Variants in AP3B1 observed in about 807,000 individuals in gnomAD.
AP3B1 encodes the protein adaptor related protein complex 3 subunit beta 1.
In AP3B1, 61 loss-of-function variants were observed where a neutral mutation model predicts 132.5. The observed-to-expected ratio is 0.46, with a 90% confidence interval of 0.37 to 0.57. AP3B1 has a LOEUF of 0.57. Ranked by LOEUF, AP3B1 falls within the 20% of genes least tolerant of loss-of-function variation. The pLI, the probability that AP3B1 is intolerant of heterozygous loss-of-function variation, is 0.00. For synonymous variants in AP3B1, 388 were observed against 438.3 expected (o/e 0.89, Z 1.43); for missense variants, 1,120 against 1,289.4 (o/e 0.87, Z 2.01).
Position 78,216,180 on chromosome 5 carries a change from G to C in AP3B1, c.661C>G (p.Leu221Val), listed in dbSNP as rs1259873451. ...AGCTTGCGGTAATTTTTATGAATCAGATCTATTCTGTCCGGGCATACTTCT... is the reference window on the plus strand; with the variant it reads ...AGCTTGCGGTAATTTTTATGAATCACATCTATTCTGTCCGGGCATACTTCT... ...FEEVCPDRID[L>V]IHKNYRKLCN... Residue 221 changes from leucine to valine, a missense_variant, in exon 7 of 27, where the codon CTG becomes GTG. Transcript: ENST00000255194. 2 of 1,613,808 alleles carry C rather than the reference G, an allele frequency of 1.2e-6. No homozygotes were observed. The highest frequency in any genetic ancestry group is 2.7e-5 in the African/African-American group (2 of 74,878).
At chr5:78,187,981 G>A (rs1190769667) in intron 7 of AP3B1, among the ~76,000 whole-genome samples, 1 of 152,064 alleles carries the variant, frequency 6.6e-6, no homozygotes, top group Non-Finnish European at 1.5e-5. Context: ...AAGCAATGGG[G>A]AAAGGATTCC....
intron 11 of AP3B1, among the ~76,000 whole-genome samples, chr5:78,173,751 TCTC>T (rs1464223542): frequency 6.6e-6 from 1 of 152,024 alleles, no homozygotes; most frequent in African/African-American, 2.4e-5. Context: ...TTGGGGAAGT[TCTC>T]CTGGATGATA....
At chr5:78,098,025 G>T (rs975641492) in intron 21 of AP3B1, among the ~76,000 whole-genome samples, 8 of 151,920 alleles carry the variant, frequency 5.3e-5, no homozygotes, top group Non-Finnish European at 1.0e-4. Context: ...TCCACTCAGG[G>T]TTAAATGGAT....
intron 17 of AP3B1, among the ~76,000 whole-genome samples, chr5:78,122,788 T>C (rs1752279154): frequency 6.6e-6 from 1 of 152,160 alleles, no homozygotes. Flanking sequence ...AATTTATAGA[T>C]TCAATGCCAT....
At chr5:78,281,450 A>C (rs1238837175) in intron 1 of AP3B1, among the ~76,000 whole-genome samples, 3 of 151,964 alleles carry the variant, frequency 2.0e-5, no homozygotes, top group South Asian at 2.1e-4. Flanking sequence ...AAAAAAAAAA[A>C]AAAAAAACAG....
chr5:78,218,511 T>G (rs1168146384), intron 6 of AP3B1, among the ~76,000 whole-genome samples: 1 of 152,146 alleles, frequency 6.6e-6, no homozygotes, highest in Non-Finnish European at 1.5e-5. Flanking sequence ...CTTCAGCCAT[T>G]AGCTGTGCTC....
Position 78,110,276 on chromosome 5 carries a change from T to C in AP3B1, c.2328A>G (p.Glu776=), listed in dbSNP as rs2112252324. Residue 776 remains glutamate (E), a synonymous_variant, in exon 20 of 27, where the codon GAA becomes GAG. Coordinates refer to ENST00000255194, the MANE Select transcript of AP3B1 (RefSeq NM_003664.5). ...DSSNDESSSI[E]DSSSDSESES... is the part of the protein sequence containing the mutation. ...CTGATTCAGAATCGGAAGAACTGTC[T>C]TCTATTGAACTAGATTCGTCATTTG... 1.2e-6 allele frequency: 2 copies of C among 1,609,546 alleles called. No individual in the cohort carries two copies. Among genetic ancestry groups the C allele is most frequent in the Non-Finnish European group, 1.7e-6 (2 of 1,177,112 alleles).
At chr5:78,133,962 T>G (rs1752790127) in intron 15 of AP3B1, among the ~76,000 whole-genome samples, 1 of 151,722 alleles carries the variant, frequency 6.6e-6, no homozygotes, top group Admixed American at 6.6e-5. Context: ...AAATTCATTA[T>G]TACACAGTGA....
intron 26 of AP3B1, among the ~76,000 whole-genome samples, chr5:78,014,025 T>C (rs1746743040): frequency 6.6e-6 from 1 of 151,960 alleles, no homozygotes; most frequent in Admixed American, 6.6e-5. Context: ...TAGCCGGGCG[T>C]GGTGCCGGGT....
Position 78,264,133 on chromosome 5 carries a change from T to A in AP3B1, c.204+3387A>T, listed in dbSNP as rs566362186. ...CTAAGGATGCATTTCTCAGAAAGCA[T>A]CCCTGTCATTCAGCGATGCATGACT... is the stretch of plus-strand genomic sequence containing the variant. On this transcript the variant is annotated intron_variant, in intron 2 of 26. Coordinates refer to ENST00000255194, the MANE Select transcript of AP3B1 (RefSeq NM_003664.5). Among the ~76,000 whole-genome samples the A allele has an allele frequency of 4.6e-3, 700 of 152,302 alleles. 4 individuals carry two copies. Among genetic ancestry groups the A allele is most frequent in the Non-Finnish European group, 8.3e-3 (565 of 68,018 alleles).
chr5:78,120,808 C>T (rs993690443), intron 17 of AP3B1, among the ~76,000 whole-genome samples: 20 of 152,104 alleles, frequency 1.3e-4, no homozygotes, highest in Non-Finnish European at 1.3e-4. Context: ...AACAAGGATA[C>T]CCAGTAATTG....
At chr5:78,007,226 G>A (rs1421906845) in intron 26 of AP3B1, among the ~76,000 whole-genome samples, 1 of 152,174 alleles carries the variant, frequency 6.6e-6, no homozygotes, top group African/African-American at 2.4e-5. Flanking sequence ...TATCTGAGAG[G>A]CTGCGTCAGT....
At chr5:78,171,319 T>C (rs1469118544) in intron 11 of AP3B1, among the ~76,000 whole-genome samples, 1 of 152,202 alleles carries the variant, frequency 6.6e-6, no homozygotes, top group Non-Finnish European at 1.5e-5. Flanking sequence ...ATAAATTACC[T>C]TGGGCAGTAT....
chr5:78,279,982 G>A (rs1280561251), intron 1 of AP3B1, among the ~76,000 whole-genome samples: 9 of 145,476 alleles, frequency 6.2e-5, no homozygotes, highest in African/African-American at 2.3e-4. Flanking sequence ...GGAGGCTGAA[G>A]TGGGAGGATC....
At chr5:78,075,384 T>C (rs1278917709) in intron 22 of AP3B1, among the ~76,000 whole-genome samples, 1 of 152,220 alleles carries the variant, frequency 6.6e-6, no homozygotes, top group Admixed American at 6.5e-5. Flanking sequence ...TTTTTTCTTA[T>C]TATTGTTTTA....
chr5:78,040,219 T>C (rs939816185), intron 22 of AP3B1, among the ~76,000 whole-genome samples: 2 of 152,150 alleles, frequency 1.3e-5, no homozygotes, highest in Non-Finnish European at 1.5e-5. Flanking sequence ...TTAATTCATA[T>C]GGAATTGATT....
chr5:78,239,411 CAG>C (rs34475101), intron 3 of AP3B1, among the ~76,000 whole-genome samples: 5,228 of 143,506 alleles, frequency 0.036, 153 homozygotes, highest in East Asian at 0.13. Flanking sequence ...GTCAAGGCTA[CAG>C]TAAGCCACGA....
intron 7 of AP3B1, among the ~76,000 whole-genome samples, chr5:78,212,578 G>A (rs1745786477): frequency 6.6e-6 from 1 of 152,052 alleles, no homozygotes; most frequent in Admixed American, 6.5e-5. Context: ...TCTGCCTGTA[G>A]GTAAAAGGGA....
intron 21 of AP3B1, among the ~76,000 whole-genome samples, chr5:78,093,348 C>T (rs1341466705): frequency 1.3e-5 from 2 of 152,192 alleles, no homozygotes; most frequent in Non-Finnish European, 2.9e-5. Flanking sequence ...TGAGCCACCA[C>T]ACCAACTAAG....
Sources: allele counts gnomAD v4.1 joint callset (sites outside exome capture counted in the v4.1 genomes callset), GRCh38; gene constraint gnomAD v4.1.1; transcripts MANE v1.5; gene names NCBI Gene and HGNC (gene_info 2026-07-23, HGNC 2026-07-21).